OTUD7A: variants seen among roughly 807,000 people sequenced by gnomAD.
OTUD7A encodes the protein OTU deubiquitinase 7A.
Under a neutral mutation model 65.7 loss-of-function variants are expected in OTUD7A, and 12 were observed. The ratio of observed to expected loss-of-function variants is 0.18; its 90% CI spans 0.12 to 0.30. OTUD7A has a LOEUF of 0.30. Ranked by LOEUF, OTUD7A falls within the 10% of genes least tolerant of loss-of-function variation. The pLI, the probability that OTUD7A is intolerant of heterozygous loss-of-function variation, is 1.00. For missense variants in OTUD7A, 1,148 were observed against 1,304.8 expected (o/e 0.88, Z 1.85); for synonymous variants, 641 against 586.3 (o/e 1.09, Z -1.35).
chr15:31,739,929 A>T (rs1265893553), intron 1 of OTUD7A, among the ~76,000 whole-genome samples: 1 of 152,242 alleles, frequency 6.6e-6, no homozygotes, highest in Non-Finnish European at 1.5e-5. Context: ...GCAATGTATC[A>T]GTGAACAGAA....
At position 31,484,299 on chromosome 15, in the gene OTUD7A, T is replaced by C; in HGVS notation, c.1797A>G (p.Thr599=). The C allele has an allele frequency of 6.3e-7, 1 of 1,596,082 alleles. No individual in the cohort carries two copies. Among genetic ancestry groups the C allele is most frequent in the African/African-American group, 1.3e-5 (1 of 74,926 alleles). Residue 599 remains threonine (T), a synonymous_variant, in exon 13 of 13, where the codon ACA becomes ACG. Transcript: ENST00000307050. This position sits in a 1 kb window ranked among gnomAD's most constrained non-coding sequence, Gnocchi z 4.5. ...CCGGCGACGCGCCCGCTGCCTTGTC[T>C]GTGGGCGACGGCGTGGTCTTTTCCG... ...SPSEKTTPSP[T]DKAAGASPAE... is the part of the protein sequence containing the mutation.
At chr15:31,501,014 T>C (rs2041458368) in intron 10 of OTUD7A, among the ~76,000 whole-genome samples, 1 of 152,258 alleles carries the variant, frequency 6.6e-6, no homozygotes, top group African/African-American at 2.4e-5. Flanking sequence ...ACTGGTGCCC[T>C]GGAATTGTGC....
intron 5 of OTUD7A, chr15:31,556,788 T>C (rs1275951203): frequency 6.6e-6 from 1 of 152,262 alleles, no homozygotes; most frequent in Non-Finnish European, 1.5e-5. Flanking sequence ...CCATGAAACT[T>C]GTTTCTTTCT....
At chr15:31,701,149 C>A (rs1252625778) in intron 1 of OTUD7A, among the ~76,000 whole-genome samples, 1 of 152,032 alleles carries the variant, frequency 6.6e-6, no homozygotes, top group Non-Finnish European at 1.5e-5. Flanking sequence ...GACATAATAA[C>A]CAAATGCAGG....
chr15:31,557,297 T>C (rs1215887107), intron 5 of OTUD7A: 2 of 152,168 alleles, frequency 1.3e-5, no homozygotes, highest in African/African-American at 4.8e-5. Flanking sequence ...GGTGTACACG[T>C]GTACACAGAA....
intron 5 of OTUD7A, among the ~76,000 whole-genome samples, chr15:31,532,606 A>G (rs1887664842): frequency 1.3e-5 from 2 of 152,160 alleles, no homozygotes; most frequent in East Asian, 1.9e-4. Context: ...GAGTCCGTAG[A>G]AGAGGCGAAA....
chr15:31,594,201 C>G lies in OTUD7A; in HGVS notation c.152-24004G>C, dbSNP rs1238820350. On this transcript the variant is annotated intron_variant, in intron 3 of 12. Transcript: ENST00000307050. The stretch of plus-strand genomic sequence containing the variant: ...CAGCAGCCTTCTCATGTGGGATTTA[C>G]CAGGCACTCTGCACCCTGGTTCTGA... 2.0e-5 allele frequency among the ~76,000 whole-genome samples: 3 copies of G among 152,032 alleles called. No homozygotes were observed. In the East Asian group the frequency reaches 5.8e-4, roughly 30 times the overall value.
At chr15:31,834,336 G>A (rs911492124) in intron 1 of OTUD7A, among the ~76,000 whole-genome samples, 1 of 152,196 alleles carries the variant, frequency 6.6e-6, no homozygotes, top group Non-Finnish European at 1.5e-5. Context: ...AAGAGAGATG[G>A]CAGGATGACC....
At chr15:31,495,755 G>A (rs564318576) in intron 10 of OTUD7A, among the ~76,000 whole-genome samples, 2 of 152,246 alleles carry the variant, frequency 1.3e-5, no homozygotes, top group Middle Eastern at 6.8e-3. Flanking sequence ...CAGTTTGGGG[G>A]CACTTCTGGT....
Position 31,669,557 on chromosome 15 carries a change from G to C in OTUD7A, c.-99-12480C>G, listed in dbSNP as rs867025022. Among the ~76,000 whole-genome samples, 311 of 152,232 alleles carry C rather than the reference G, an allele frequency of 2.0e-3. 1 individual carries two copies. The highest frequency in any genetic ancestry group is 6.1e-3 in the Admixed American group (93 of 15,290). On this transcript the variant is annotated intron_variant, in intron 1 of 12. Transcript: ENST00000307050. ...AGTGGGTGAGCAGAGCTGAGAACTT[G>C]CCCCAGGTTACCTGCTTCCCAGCTA...
chr15:31,561,434 G>A (rs927702357), intron 4 of OTUD7A, among the ~76,000 whole-genome samples: 3 of 152,168 alleles, frequency 2.0e-5, no homozygotes, highest in African/African-American at 7.2e-5. Flanking sequence ...GAGAATCGAG[G>A]TGCTATGTGC....
At chr15:31,536,324 T>G (rs1887801971) in intron 5 of OTUD7A, among the ~76,000 whole-genome samples, 1 of 152,220 alleles carries the variant, frequency 6.6e-6, no homozygotes, top group Non-Finnish European at 1.5e-5. Context: ...CTAAAATTGT[T>G]TAAAAATTGC....
intron 1 of OTUD7A, among the ~76,000 whole-genome samples, chr15:31,819,504 A>G (rs1896627906): frequency 6.6e-6 from 1 of 152,218 alleles, no homozygotes; most frequent in Non-Finnish European, 1.5e-5. Flanking sequence ...GACTAGTGTG[A>G]TCTATATATT....
chr15:31,481,187 A>G lies in OTUD7A; in HGVS notation c.*2107T>C, dbSNP rs781362785. 6.6e-6 allele frequency: 1 copy of G among 152,250 alleles called. No homozygotes were observed. The highest frequency in any genetic ancestry group is 1.5e-5 in the Non-Finnish European group (1 of 68,046). The allele number at this position is 152,250 out of a possible 1,614,324, so 9.4% of individuals were successfully genotyped here. A position where few individuals can be genotyped will look rare whatever the true frequency, so the allele number is the denominator to read the frequency against. ...TTTACATTAAGAAATGAAAAAAACAAGCAAGAATTGACTTTATGCCTCCTT... is the reference window on the plus strand; with the variant it reads ...TTTACATTAAGAAATGAAAAAAACAGGCAAGAATTGACTTTATGCCTCCTT... On this transcript the variant is annotated 3_prime_UTR_variant, in exon 13 of 13. Coordinates refer to ENST00000307050, the MANE Select transcript of OTUD7A (RefSeq NM_001382637.1).
chr15:31,487,327 A>G lies in OTUD7A; in HGVS notation c.1287-49T>C. On this transcript the variant is annotated intron_variant, in intron 11 of 12. Coordinates refer to ENST00000307050, the MANE Select transcript of OTUD7A (RefSeq NM_001382637.1). The surrounding 1 kb of genome is among the most constrained non-coding windows in gnomAD (Gnocchi z 6.0). ...TGAAATGGTCTGAGCTGGCCCTTAT[A>G]GCACCCAGTCCACTTGCATGCCAGC... The G allele has an allele frequency of 6.2e-7, 1 of 1,601,408 alleles. No homozygotes were observed. The highest frequency in any genetic ancestry group is 8.6e-7 in the Non-Finnish European group (1 of 1,169,436).
intron 1 of OTUD7A, among the ~76,000 whole-genome samples, chr15:31,819,316 C>G (rs968312682): frequency 6.6e-6 from 1 of 152,086 alleles, no homozygotes; most frequent in South Asian, 2.1e-4. Flanking sequence ...TTTGGGGAAG[C>G]CTGATGAGCT....
At chr15:31,494,226 G>T (rs1010315990) in intron 10 of OTUD7A, among the ~76,000 whole-genome samples, 2 of 152,230 alleles carry the variant, frequency 1.3e-5, no homozygotes, top group Non-Finnish European at 2.9e-5. Flanking sequence ...TATTAGAAGT[G>T]TGGTCTTTGG....
chr15:31,693,058 G>A (rs1456632909), intron 1 of OTUD7A, among the ~76,000 whole-genome samples: 13 of 152,218 alleles, frequency 8.5e-5, no homozygotes, highest in African/African-American at 1.9e-4. Flanking sequence ...CACTCGGTCT[G>A]TCTCTCAGGA....
intron 1 of OTUD7A, among the ~76,000 whole-genome samples, chr15:31,686,128 C>A (rs894027077): frequency 6.6e-6 from 1 of 152,244 alleles, no homozygotes; most frequent in Non-Finnish European, 1.5e-5. Context: ...CTGGGGAACA[C>A]ATACTGCCAG....
Sources: allele counts gnomAD v4.1 joint callset (sites outside exome capture counted in the v4.1 genomes callset), GRCh38; gene constraint gnomAD v4.1.1; non-coding constraint Gnocchi (gnomAD v3.1); transcripts MANE v1.5; gene names NCBI Gene and HGNC (gene_info 2026-07-23, HGNC 2026-07-21).